UTP18: variants seen among roughly 807,000 people sequenced by gnomAD.
UTP18 encodes the protein U3 small nucleolar RNA-associated protein 18 homolog.
In UTP18, 36 loss-of-function variants were observed where a neutral mutation model predicts 61.1. The ratio of observed to expected loss-of-function variants is 0.59; its 90% CI spans 0.45 to 0.78. The LOEUF is 0.78. Among genes scored for constraint, UTP18 ranks in the 30% least tolerant of loss-of-function variants. UTP18 has a pLI of 0.00. For missense variants in UTP18, 753 were observed against 693.9 expected, an observed-to-expected ratio of 1.09 and a Z score of -0.96; for synonymous variants, 282 against 251.1, an observed-to-expected ratio of 1.12 and a Z score of -1.16.
intron 3 of UTP18, among the ~76,000 whole-genome samples, chr17:51,268,102 C>T (rs570883521): frequency 2.0e-5 from 3 of 151,698 alleles, no homozygotes; most frequent in South Asian, 2.1e-4. Flanking sequence ...CTCTGCCTCC[C>T]GGGTTCACAC....
chr17:51,285,517 T>A, intron 10 of UTP18, 149 bp downstream of exon 10: 1 of 876,718 alleles, frequency 1.1e-6, no homozygotes. Context: ...GCTTTTTTCA[T>A]TTTATCATCT....
intron 7 of UTP18, among the ~76,000 whole-genome samples, chr17:51,278,296 C>G (rs1408707495): frequency 6.6e-6 from 1 of 152,160 alleles, no homozygotes; most frequent in Non-Finnish European, 1.5e-5. Context: ...CTGATTCTCT[C>G]AGGTGATGGT....
chr17:51,264,139 C>T (rs912263160), intron 2 of UTP18, among the ~76,000 whole-genome samples: 4 of 151,494 alleles, frequency 2.6e-5, no homozygotes, highest in Non-Finnish European at 5.9e-5. Context: ...TGGGTTCAAG[C>T]GATTCTCCTG....
intron 12 of UTP18, among the ~76,000 whole-genome samples, chr17:51,294,853 C>G (rs888803335): frequency 7.9e-5 from 12 of 152,248 alleles, no homozygotes; most frequent in African/African-American, 2.9e-4. Flanking sequence ...TCCACATCCT[C>G]TCCAGCACCT....
rs1327137577 is a variant in UTP18 at position 51,260,608 on chromosome 17, A to T, written c.24A>T (p.Arg8=). The change falls in exon 1 of 14, where the codon CGA becomes CGT. Residue 8 remains arginine, a synonymous_variant. Coordinates refer to ENST00000225298, the MANE Select transcript of UTP18 (RefSeq NM_016001.3). ...CGATGCCGCCGGAGCGGAGGAGACG[A>T]ATGAAACTGGACCGGAGAACCGGAG... MPPERRR[R]MKLDRRTGAK... 1.4e-5 allele frequency: 23 copies of T among 1,612,614 alleles called. No individual in the cohort carries two copies. The highest frequency in any genetic ancestry group is 1.9e-5 in the Non-Finnish European group (22 of 1,179,670).
rs745388460 is a variant in UTP18 at position 51,275,940 on chromosome 17, T to A, written c.786T>A (p.Gly262=). 4 of 1,613,270 alleles carry A rather than the reference T, an allele frequency of 2.5e-6. No homozygotes were observed. In the South Asian group the frequency reaches 3.3e-5, roughly 13 times the overall value. ...TCTCATCTGTGCAGTTCCATCCCGG[T>A]GCACAGATTGTGATGGTTGCTGGAT... is the stretch of plus-strand genomic sequence containing the variant. ...ARISSVQFHP[G]AQIVMVAGLD... The change falls in exon 6 of 14, where the codon GGT becomes GGA. Residue 262 remains glycine, a synonymous_variant. Coordinates refer to ENST00000225298, the MANE Select transcript of UTP18 (RefSeq NM_016001.3).
chr17:51,279,063 CTAAT>C (rs1303802033), intron 7 of UTP18, among the ~76,000 whole-genome samples: 8 of 152,100 alleles, frequency 5.3e-5, no homozygotes, highest in Admixed American at 1.3e-4. Flanking sequence ...TCCTTTTTCT[CTAAT>C]TAATATTGTA....
intron 1 of UTP18, among the ~76,000 whole-genome samples, chr17:51,261,436 C>T (rs1229565407): frequency 6.6e-6 from 1 of 152,182 alleles, no homozygotes; most frequent in Non-Finnish European, 1.5e-5. Flanking sequence ...CTGTTAGTTG[C>T]CAGATACCCT....
chr17:51,269,424 T>G (rs1598475921), intron 4 of UTP18, among the ~76,000 whole-genome samples: 1 of 152,038 alleles, frequency 6.6e-6, no homozygotes, highest in Non-Finnish European at 1.5e-5. Flanking sequence ...ATTATAAATA[T>G]GGATGGCTTA....
chr17:51,281,752 T>C (rs1217146460), intron 9 of UTP18, among the ~76,000 whole-genome samples: 1 of 152,200 alleles, frequency 6.6e-6, no homozygotes, highest in Non-Finnish European at 1.5e-5. Context: ...AAGAGTACAC[T>C]GTGTTTTCTG....
intron 12 of UTP18, among the ~76,000 whole-genome samples, chr17:51,295,350 TTAA>T (rs1393258866): frequency 3.3e-5 from 5 of 152,302 alleles, no homozygotes; most frequent in African/African-American, 1.2e-4. Context: ...ATGTAAGTCT[TTAA>T]TCCATCTTGA....
chr17:51,260,937 C>T lies in UTP18; in HGVS notation c.342+11C>T, dbSNP rs1359391974. On this transcript the variant is annotated intron_variant, in intron 1 of 13. Transcript: ENST00000225298. ...CTGCGAGGCCCGAGGGTGAGGGAGG[C>T]CGCGGCGCGCGGGCTGGGCGCACTC... 5 of 1,532,100 alleles carry T rather than the reference C, an allele frequency of 3.3e-6. No homozygotes were observed. Among genetic ancestry groups the T allele is most frequent in the Admixed American group, 2.1e-5 (1 of 48,280 alleles). The allele number at this position is 1,532,100 out of a possible 1,614,324, so 94.9% of individuals were successfully genotyped here.
At chr17:51,267,834 C>T (rs900607121) in intron 3 of UTP18, among the ~76,000 whole-genome samples, 2 of 151,980 alleles carry the variant, frequency 1.3e-5, no homozygotes, top group Admixed American at 6.6e-5. Flanking sequence ...GATCACAGTC[C>T]TATGCTGTCA....
rs541219519 is a variant in UTP18, at chr17:51,284,384, CTTT to C, written c.1205-853_1205-851del. Among the ~76,000 whole-genome samples, 18 of 147,968 alleles carry C rather than the reference CTTT, an allele frequency of 1.2e-4. No individual in the cohort carries two copies. The South Asian group carries it at 3.7e-3, about 30-fold the overall frequency. On this transcript the variant is annotated intron_variant, in intron 9 of 13. Coordinates refer to ENST00000225298, the MANE Select transcript of UTP18 (RefSeq NM_016001.3). ...GCTTATTCGTAAGCTTGTGTTTAGC[CTTT>C]TTTTTTTAATCATTTAAATAACTTG... is the stretch of plus-strand genomic sequence containing the variant.
At chr17:51,293,855 A>C in intron 11 of UTP18, 48 bp from the exon 12 acceptor site, 2 of 1,412,010 alleles carry the variant, frequency 1.4e-6, no homozygotes, top group Non-Finnish European at 1.9e-6. Flanking sequence ...TTTAAGAAAC[A>C]TGAGCTCCCA....
Position 51,285,287 on chromosome 17 carries a change from G to T in UTP18, c.1247G>T (p.Cys416Phe). The T allele has an allele frequency of 1.2e-6, 2 of 1,613,366 alleles. No homozygotes were observed. The highest frequency in any genetic ancestry group is 1.7e-6 in the Non-Finnish European group (2 of 1,179,626). Residue 416 changes from cysteine to phenylalanine, a missense_variant, in exon 10 of 14, where the codon TGC becomes TTC. Cys to Phe is a radical substitution (Grantham distance 205). Transcript: ENST00000225298. ...GTTTGGGATGTGAACTCAAGGAAGT[G>T]CCTTAACAGATTTGTTGATGAAGGC... ...VYVWDVNSRK[C>F]LNRFVDEGSL...
intron 5 of UTP18, among the ~76,000 whole-genome samples, chr17:51,274,972 C>T (rs925725898): frequency 1.3e-5 from 2 of 151,626 alleles, no homozygotes; most frequent in African/African-American, 4.8e-5. Flanking sequence ...CCGAGGCGGG[C>T]AGATCACCTG....
rs1370122031 is a variant in UTP18, at chr17:51,260,687, C to G, written c.103C>G (p.Pro35Ala). 1 of 1,607,976 alleles carries G rather than the reference C, an allele frequency of 6.2e-7. No individual in the cohort carries two copies. Among genetic ancestry groups the G allele is most frequent in the African/African-American group, 1.3e-5 (1 of 74,846 alleles). ...GCCGGACTGGAAAGCCGGAGCGGGGCCAGGCGGGCCTCCCCAAAAGCCTGC... is the reference window on the plus strand; with the variant it reads ...GCCGGACTGGAAAGCCGGAGCGGGGGCAGGCGGGCCTCCCCAAAAGCCTGC... ...MRPDWKAGAG[P>A]GGPPQKPAPS... Residue 35 changes from proline to alanine, a missense_variant, in exon 1 of 14, where the codon CCA (proline) becomes GCA (alanine). Physicochemically the swap from Pro to Ala is conservative, Grantham distance 27. Transcript: ENST00000225298.
rs747983907 is a variant in UTP18 at position 51,277,201 on chromosome 17, T to A, written c.909T>A (p.Phe303Leu). 2 of 1,614,216 alleles carry A rather than the reference T, an allele frequency of 1.2e-6. No individual in the cohort carries two copies. Among genetic ancestry groups the A allele is most frequent in the East Asian group, 4.5e-5 (2 of 44,880 alleles). Residue 303 changes from phenylalanine to leucine, a missense_variant, in exon 7 of 14, where the codon TTT becomes TTA. By Grantham distance (22) the Phe-to-Leu change is conservative (BLOSUM62 0). Coordinates refer to ENST00000225298, the MANE Select transcript of UTP18 (RefSeq NM_016001.3). ...GGTTTCCAATCTTTAAGGCTTGTTT[T>A]AGTGCTAATGGGGAAGAAGTTTTAG... ...LERFPIFKAC[F>L]SANGEEVLAT...
Sources: gnomAD v4.1 joint callset for allele counts (sites outside exome capture counted in the v4.1 genomes callset) on GRCh38, gnomAD v4.1.1 for gene constraint, MANE v1.5 for transcripts, NCBI Gene and HGNC (gene_info 2026-07-23, HGNC 2026-07-21) for gene names.